The following PALM2AKAP2 variants were observed in gnomAD, a reference collection of about 807,000 sequenced individuals.
PALM2AKAP2 encodes PALM2 and AKAP2 fusion.
A neutral mutation model predicts 71.5 loss-of-function variants in PALM2AKAP2; 37 were observed. That is an observed-to-expected ratio of 0.52 (90% confidence interval 0.40 to 0.68). The LOEUF is 0.68. Ranked by LOEUF, PALM2AKAP2 falls within the 30% of genes least tolerant of loss-of-function variation. The pLI, the probability that PALM2AKAP2 is intolerant of heterozygous loss-of-function variation, is 0.00. For synonymous variants in PALM2AKAP2, 468 were observed against 478.8 expected (o/e 0.98, Z 0.29); for missense variants, 1,224 against 1,191.8 (o/e 1.03, Z -0.40).
chr9:109,915,720 TG>T (rs1193033371), intron 3 of PALM2AKAP2, among the ~76,000 whole-genome samples: 2 of 152,150 alleles, frequency 1.3e-5, no homozygotes, highest in Non-Finnish European at 2.9e-5. Flanking sequence ...CTAATCCTTA[TG>T]ATTATTATTG....
intron 1 of PALM2AKAP2, among the ~76,000 whole-genome samples, chr9:110,085,003 G>A (rs1319867986): frequency 1.3e-5 from 2 of 152,188 alleles, no homozygotes; most frequent in Middle Eastern, 3.4e-3. Context: ...GCCTCTCAAA[G>A]TGCTGGGATT....
chr9:109,863,807 C>A (rs997016760), intron 1 of PALM2AKAP2, among the ~76,000 whole-genome samples: 1 of 150,424 alleles, frequency 6.6e-6, no homozygotes, highest in South Asian at 2.1e-4. Context: ...GGGCTGGGTT[C>A]GGAGGCTAAC....
intron 1 of PALM2AKAP2, among the ~76,000 whole-genome samples, chr9:110,123,520 T>A (rs908353272): frequency 6.6e-6 from 1 of 152,084 alleles, no homozygotes; most frequent in African/African-American, 2.4e-5. Context: ...CATTCTGAGG[T>A]CCTTGGTGTT....
intron 1 of PALM2AKAP2, among the ~76,000 whole-genome samples, chr9:109,705,619 A>G (rs1414983085): frequency 6.6e-6 from 1 of 152,220 alleles, no homozygotes; most frequent in Non-Finnish European, 1.5e-5. Flanking sequence ...AGTTGGATCC[A>G]GGCACCTCCC....
chr9:110,049,368 A>G (rs142318124), intron 1 of PALM2AKAP2, among the ~76,000 whole-genome samples: 7 of 152,200 alleles, frequency 4.6e-5, no homozygotes, highest in Non-Finnish European at 1.5e-5. Context: ...GACTGAAGTC[A>G]GGGAGGGCCG....
At chr9:109,801,905 G>A (rs1163149510) in intron 1 of PALM2AKAP2, among the ~76,000 whole-genome samples, 1 of 152,126 alleles carries the variant, frequency 6.6e-6, no homozygotes, top group Non-Finnish European at 1.5e-5. Flanking sequence ...CCTTTTCCTG[G>A]ACTAATGAGA....
chr9:109,779,586 G>A (rs2118786607), upstream of PALM2AKAP2, among the ~76,000 whole-genome samples: 2 of 152,320 alleles, frequency 1.3e-5, 1 homozygote, highest in South Asian at 4.1e-4. Context: ...AGATTTCACA[G>A]CTAACACATT....
chr9:109,989,308 G>A (rs751217641), intron 6 of PALM2AKAP2, among the ~76,000 whole-genome samples: 1 of 152,184 alleles, frequency 6.6e-6, no homozygotes, highest in Non-Finnish European at 1.5e-5. Flanking sequence ...GAATGGCAAG[G>A]CAAGCAGCTG....
At chr9:110,049,545 A>G (rs150192531) in intron 1 of PALM2AKAP2, among the ~76,000 whole-genome samples, 34 of 152,188 alleles carry the variant, frequency 2.2e-4, no homozygotes, top group Non-Finnish European at 8.8e-5. Flanking sequence ...CTGGGACCTC[A>G]GCAGTTAGAA....
In PALM2AKAP2 at chr9:109,821,179, A is replaced by G. The variant is rs1336539120; in HGVS notation, c.45+40646A>G. On this transcript the variant is annotated intron_variant, in intron 1 of 9. Coordinates refer to the PALM2AKAP2 transcript ENST00000302798. ...TGCCAGGTGGGACCAGGTGCAACCC[A>G]CAGCAAGGCCACTTGATGTCTCAGT... is the stretch of plus-strand genomic sequence containing the variant. Among the ~76,000 whole-genome samples, 6 of 152,296 alleles carry G rather than the reference A, an allele frequency of 3.9e-5. No homozygotes were observed. The East Asian group carries it at 7.7e-4, about 20-fold the overall frequency.
At chr9:109,651,725 A>G (rs1235806382) in intron 1 of PALM2AKAP2, among the ~76,000 whole-genome samples, 1 of 152,240 alleles carries the variant, frequency 6.6e-6, no homozygotes, top group Admixed American at 6.5e-5. Flanking sequence ...AGACACTCCT[A>G]TTCCACAGAT....
At chr9:110,074,765 G>A (rs1834282846) in intron 1 of PALM2AKAP2, among the ~76,000 whole-genome samples, 2 of 152,186 alleles carry the variant, frequency 1.3e-5, no homozygotes, top group South Asian at 4.1e-4. Flanking sequence ...CACATTGGGA[G>A]GCTGAGGCAG....
At chr9:109,850,604 A>C (rs1377934711) in intron 1 of PALM2AKAP2, among the ~76,000 whole-genome samples, 1 of 152,226 alleles carries the variant, frequency 6.6e-6, no homozygotes, top group Non-Finnish European at 1.5e-5. Flanking sequence ...TGAGAGCTAC[A>C]TGCTAGGTAG....
chr9:109,771,950 A>G (rs575907198), intron 1 of PALM2AKAP2: 1 of 152,130 alleles, frequency 6.6e-6, no homozygotes, highest in African/African-American at 2.4e-5. Flanking sequence ...AACTGGCATG[A>G]CCCTCCAATA....
chr9:109,814,035 T>C (rs10759369), intron 1 of PALM2AKAP2, among the ~76,000 whole-genome samples: 92,947 of 152,070 alleles, frequency 0.61, 29,880 homozygotes, highest in African/African-American at 0.82. Context: ...ACCCTACCTT[T>C]GGCCCTTTGA....
chr9:110,141,870 A>G (rs1262655028), intron 2 of PALM2AKAP2, among the ~76,000 whole-genome samples: 1 of 152,188 alleles, frequency 6.6e-6, no homozygotes, highest in East Asian at 1.9e-4. Flanking sequence ...AGGAAGGAGA[A>G]ATCTTCTAAT....
intron 1 of PALM2AKAP2, among the ~76,000 whole-genome samples, chr9:109,700,597 A>G (rs1564117828): frequency 1.3e-5 from 2 of 152,322 alleles, no homozygotes; most frequent in Non-Finnish European, 2.9e-5. Context: ...CTGCCCCATG[A>G]CATCTCAAAA....
intron 1 of PALM2AKAP2, among the ~76,000 whole-genome samples, chr9:110,115,618 A>G (rs1835345554): frequency 6.6e-6 from 1 of 152,172 alleles, no homozygotes; most frequent in Admixed American, 6.5e-5. Context: ...GTCAGAGTGA[A>G]TTGGATTAGA....
chr9:109,825,028 A>G (rs1828108152), intron 1 of PALM2AKAP2, among the ~76,000 whole-genome samples: 1 of 152,246 alleles, frequency 6.6e-6, no homozygotes, highest in Non-Finnish European at 1.5e-5. Flanking sequence ...CATCTGATCA[A>G]CACGTAATGT....
Sources: gnomAD v4.1 joint callset for allele counts (sites outside exome capture counted in the v4.1 genomes callset) on GRCh38, gnomAD v4.1.1 for gene constraint, MANE v1.5 for transcripts, NCBI Gene and HGNC (gene_info 2026-07-23, HGNC 2026-07-21) for gene names.